The following PTPRG variants were observed in gnomAD, a reference collection of about 807,000 sequenced individuals.
PTPRG encodes the protein protein tyrosine phosphatase receptor type G, also known as receptor-type tyrosine-protein phosphatase gamma.
Under a neutral mutation model 165.3 loss-of-function variants are expected in PTPRG, and 102 were observed. The observed-to-expected ratio is 0.62, with a 90% CI of 0.53 to 0.73. The LOEUF is 0.73. Among genes scored for constraint, PTPRG ranks in the 30% least tolerant of loss-of-function variants. The pLI is 0.00. For missense variants in PTPRG, 1,866 were observed against 1,861.4 expected, an observed-to-expected ratio of 1.00 and a Z score of -0.05; for synonymous variants, 675 against 669.5, an observed-to-expected ratio of 1.01 and a Z score of -0.13.
chr3:61,789,466 A>G (rs1181272016), intron 2 of PTPRG, among the ~76,000 whole-genome samples: 3 of 152,194 alleles, frequency 2.0e-5, no homozygotes, highest in Non-Finnish European at 4.4e-5. Flanking sequence ...ACAGAAATTC[A>G]TACTAGTTGA....
chr3:62,184,674 C>G (rs748657387), intron 8 of PTPRG, among the ~76,000 whole-genome samples: 32 of 152,206 alleles, frequency 2.1e-4, no homozygotes, highest in Non-Finnish European at 4.3e-4. Context: ...CCCCCACGGT[C>G]GTCTGCTGGC....
At chr3:61,903,144 C>G (rs1006117844) in intron 2 of PTPRG, among the ~76,000 whole-genome samples, 2 of 152,196 alleles carry the variant, frequency 1.3e-5, no homozygotes, top group Non-Finnish European at 2.9e-5. Context: ...CTCCCTTTAT[C>G]TGTCCCGTGC....
At chr3:62,005,549 A>G (rs537188618) in intron 4 of PTPRG, among the ~76,000 whole-genome samples, 31 of 152,142 alleles carry the variant, frequency 2.0e-4, no homozygotes, top group Non-Finnish European at 3.5e-4. Context: ...ACTTAATCAG[A>G]TGGCTACCTT....
chr3:62,019,642 A>G (rs1489402799), intron 4 of PTPRG, among the ~76,000 whole-genome samples: 2 of 152,144 alleles, frequency 1.3e-5, no homozygotes, highest in Non-Finnish European at 2.9e-5. Context: ...AGGTTTTAAA[A>G]TATTACTGCC....
chr3:61,780,002 G>A (rs532838576), intron 2 of PTPRG, among the ~76,000 whole-genome samples: 28 of 152,266 alleles, frequency 1.8e-4, no homozygotes, highest in African/African-American at 5.5e-4. Flanking sequence ...AGAAAGTATT[G>A]GTACCTCAAT....
intron 2 of PTPRG, among the ~76,000 whole-genome samples, chr3:61,826,561 TC>T (rs1048731539): frequency 1.3e-5 from 2 of 152,120 alleles, no homozygotes; most frequent in East Asian, 3.9e-4. Flanking sequence ...TTTCCCCTCT[TC>T]CCTACTTTTG....
At position 61,864,415 on chromosome 3, in the gene PTPRG, C is replaced by G. The variant is rs773060753; in HGVS notation, c.190+115433C>G. 2.0e-5 allele frequency among the ~76,000 whole-genome samples: 3 copies of G among 152,170 alleles called. 1 individual carries two copies. The highest frequency in any genetic ancestry group is 2.0e-4 in the Admixed American group (3 of 15,284). Reference sequence around the variant, plus strand: ...GGGGACAGTGCTTCTCCTTGTGTCCCGATCGCTGAGTATGGAGAATCCCGG... The same window carrying G: ...GGGGACAGTGCTTCTCCTTGTGTCCGGATCGCTGAGTATGGAGAATCCCGG... On this transcript the variant is annotated intron_variant, in intron 2 of 29. Transcript: ENST00000474889.
At position 62,224,873 on chromosome 3, in the gene PTPRG, C is replaced by T. The variant is rs937050856; in HGVS notation, c.2288+5890C>T. 2.6e-5 allele frequency among the ~76,000 whole-genome samples: 4 copies of T among 152,114 alleles called. No homozygotes were observed. The highest frequency in any genetic ancestry group is 5.9e-5 in the Non-Finnish European group (4 of 68,024). On this transcript the variant is annotated intron_variant, in intron 13 of 29. Coordinates refer to ENST00000474889, the MANE Select transcript of PTPRG (RefSeq NM_002841.4). This position sits in a 1 kb window ranked among gnomAD's most constrained non-coding sequence, Gnocchi z 4.9. ...CTTGAATGTCCCTCGCAAAGGTCTGCCTTGAAGAGCTGTAGGAACCAGAAT... is the reference window on the plus strand; with the variant it reads ...CTTGAATGTCCCTCGCAAAGGTCTGTCTTGAAGAGCTGTAGGAACCAGAAT...
intron 2 of PTPRG, among the ~76,000 whole-genome samples, chr3:61,888,620 A>G (rs1287598386): frequency 1.3e-5 from 2 of 152,164 alleles, no homozygotes; most frequent in African/African-American, 4.8e-5. Flanking sequence ...CTTGAGCCAC[A>G]GTACCCAGCC....
chr3:62,270,241 A>G (rs1702016977), intron 20 of PTPRG, among the ~76,000 whole-genome samples: 1 of 151,968 alleles, frequency 6.6e-6, no homozygotes, highest in Non-Finnish European at 1.5e-5. Context: ...ATAAAACTGT[A>G]GCCTCCTTGC....
At chr3:62,137,689 G>T (rs150574870) in intron 6 of PTPRG, among the ~76,000 whole-genome samples, 3,241 of 152,164 alleles carry the variant, frequency 0.021, 52 homozygotes, top group Middle Eastern at 0.099. Context: ...GCTTTGGGAA[G>T]TGCTTTGGAG....
intron 2 of PTPRG, among the ~76,000 whole-genome samples, chr3:61,958,124 T>G (rs1374879145): frequency 6.6e-6 from 1 of 152,168 alleles, no homozygotes; most frequent in East Asian, 1.9e-4. Flanking sequence ...TTCTTCTTTT[T>G]TTTCTTTTTT....
intron 12 of PTPRG, among the ~76,000 whole-genome samples, chr3:62,206,824 C>T (rs1007504069): frequency 7.1e-5 from 10 of 140,106 alleles, no homozygotes; most frequent in South Asian, 2.4e-4. Context: ...TCCAGCCACT[C>T]GGGAGGCTGA....
In PTPRG at chr3:61,659,175, G is replaced by A. The variant is rs116268313; in HGVS notation, c.86-89703G>A. On this transcript the variant is annotated intron_variant, in intron 1 of 29. Coordinates refer to ENST00000474889, the MANE Select transcript of PTPRG (RefSeq NM_002841.4). ...TAAGGGCCTTTTGCCATGGCCTGAT[G>A]AACATCAGACAGGATGCTGATGGTT... 1,135 of 488,316 alleles carry A rather than the reference G, an allele frequency of 2.3e-3. 5 individuals are homozygous for A. The highest frequency in any genetic ancestry group is 2.7e-3 in the Non-Finnish European group (1,031 of 375,762). The allele number at this position is 488,316 out of a possible 1,614,324, so 30.2% of individuals were successfully genotyped here. A position where few individuals can be genotyped will look rare whatever the true frequency, so the allele number is the denominator to read the frequency against.
intron 5 of PTPRG, among the ~76,000 whole-genome samples, chr3:62,080,114 C>A (rs1701517794): frequency 7.0e-6 from 1 of 142,448 alleles, no homozygotes; most frequent in African/African-American, 2.7e-5. Context: ...TATGCCCAGG[C>A]TGGAGTGCAG....
chr3:62,007,970 T>C (rs1466937483), intron 4 of PTPRG, among the ~76,000 whole-genome samples: 1 of 152,190 alleles, frequency 6.6e-6, no homozygotes, highest in Admixed American at 6.5e-5. Context: ...TGTGATTAAG[T>C]GTCCTTAAAG....
chr3:61,782,314 T>A (rs2034569722), intron 2 of PTPRG, among the ~76,000 whole-genome samples: 1 of 152,226 alleles, frequency 6.6e-6, no homozygotes, highest in Non-Finnish European at 1.5e-5. Context: ...TTGTTTATTT[T>A]CCAAGGTATC....
At chr3:62,029,919 C>T (rs1473369735) in intron 4 of PTPRG, among the ~76,000 whole-genome samples, 3 of 152,124 alleles carry the variant, frequency 2.0e-5, no homozygotes, top group Non-Finnish European at 4.4e-5. Context: ...AGACATTGTC[C>T]AATCTGATTT....
chr3:61,609,160 C>T (rs1701095460), intron 1 of PTPRG, among the ~76,000 whole-genome samples: 1 of 152,214 alleles, frequency 6.6e-6, no homozygotes, highest in African/African-American at 2.4e-5. Context: ...AGTTATTGGA[C>T]TTCCCTTAGG....
Sources: gnomAD v4.1 joint callset for allele counts (sites outside exome capture counted in the v4.1 genomes callset) on GRCh38, gnomAD v4.1.1 for gene constraint, Gnocchi (gnomAD v3.1) non-coding constraint, MANE v1.5 for transcripts, NCBI Gene and HGNC (gene_info 2026-07-23, HGNC 2026-07-21) for gene names.